ZNF69: variants seen among roughly 807,000 people sequenced by gnomAD.
ZNF69 encodes ZNF3.
A neutral mutation model predicts 50.9 loss-of-function variants in ZNF69; 47 were observed. The observed-to-expected ratio is 0.92, with a 90% CI of 0.73 to 1.18. ZNF69 has a LOEUF of 1.18. Among genes scored for constraint, ZNF69 ranks in the 50% most tolerant of loss-of-function variants. The pLI, the probability that ZNF69 is intolerant of heterozygous loss-of-function variation, is 0.00. For missense variants in ZNF69, 717 were observed against 675.1 expected (o/e 1.06, Z -0.69); for synonymous variants, 216 against 223.1 (o/e 0.97, Z 0.29).
At chr19:11,917,717 A>G (rs1204831001), downstream of ZNF69, among the ~76,000 whole-genome samples, 4 of 151,476 alleles carry the variant, frequency 2.6e-5, no homozygotes, top group Admixed American at 6.6e-5. Context: ...GCTCACTGCA[A>G]CTTGCCTCCC....
At chr19:11,912,658 C>T (rs1291514811) in intron 4 of ZNF69, among the ~76,000 whole-genome samples, 4 of 151,646 alleles carry the variant, frequency 2.6e-5, no homozygotes, top group African/African-American at 7.3e-5. Context: ...TAGTTGCTTT[C>T]GATGTCATGA....
downstream of ZNF69, among the ~76,000 whole-genome samples, chr19:11,915,476 AAG>A (rs1369533396): frequency 6.6e-6 from 1 of 152,188 alleles, no homozygotes; most frequent in African/African-American, 2.4e-5. Flanking sequence ...ATGCTTCACA[AAG>A]AGCCCAAGGA....
At chr19:11,919,415 T>C in the ZNF69 span, among the ~76,000 whole-genome samples, 20 of 152,102 alleles carry the variant, frequency 1.3e-4, no homozygotes, top group African/African-American at 3.9e-4. Flanking sequence ...AAGCCTCTTT[T>C]TGGGCTTCTG....
intron 1 of ZNF69, among the ~76,000 whole-genome samples, chr19:11,896,321 T>C (rs1392418673): frequency 6.6e-6 from 1 of 151,962 alleles, no homozygotes; most frequent in Admixed American, 6.6e-5. Context: ...TTTCTCTTAA[T>C]TAGTATAACG....
chr19:11,965,345 G>A, the ZNF69 span: 1 of 1,279,200 alleles, frequency 7.8e-7, no homozygotes, highest in Non-Finnish European at 1.1e-6. Context: ...GGAGCTGCTC[G>A]GCCCTCGGTC....
At chr19:11,895,378 C>T (rs746082960) in intron 1 of ZNF69, among the ~76,000 whole-genome samples, 10 of 152,198 alleles carry the variant, frequency 6.6e-5, no homozygotes, top group Non-Finnish European at 1.5e-4. Context: ...AGACAGGGAC[C>T]TGTGGGCCAA....
At chr19:11,958,529 CAGTG>C in the ZNF69 span, among the ~76,000 whole-genome samples, 1 of 152,204 alleles carries the variant, frequency 6.6e-6, no homozygotes, top group Non-Finnish European at 1.5e-5. Flanking sequence ...CACTGACTCA[CAGTG>C]AGCGAGTGGT....
intron 4 of ZNF69, chr19:11,913,275 G>T: frequency 2.2e-6 from 1 of 448,762 alleles, no homozygotes; most frequent in Non-Finnish European, 4.1e-6. Flanking sequence ...GTTATTATTT[G>T]GACATTGTGA....
the ZNF69 span, among the ~76,000 whole-genome samples, chr19:11,927,354 C>G: frequency 2.0e-5 from 3 of 151,358 alleles, no homozygotes; most frequent in African/African-American, 7.3e-5. Flanking sequence ...GACCCCATCT[C>G]AAAAACCAAA....
At chr19:11,896,732 A>C (rs1972131161) in intron 1 of ZNF69, among the ~76,000 whole-genome samples, 1 of 152,170 alleles carries the variant, frequency 6.6e-6, no homozygotes, top group African/African-American at 2.4e-5. Context: ...GCAAATATTC[A>C]TGCCGTAACA....
rs758940207 is a variant in ZNF69 at position 11,903,690 on chromosome 19, A to G, written c.181A>G (p.Thr61Ala). 1 of 1,613,948 alleles carries G rather than the reference A, an allele frequency of 6.2e-7. No homozygotes were observed. The highest frequency in any genetic ancestry group is 8.5e-7 in the Non-Finnish European group (1 of 1,179,930). Reference sequence around the variant, plus strand: ...GATGCTGGAAACTTTCAGGAACCTGACCTCTGTAGGTAAGGATGACATATT... The same window carrying G: ...GATGCTGGAAACTTTCAGGAACCTGGCCTCTGTAGGTAAGGATGACATATT... ...EVMLETFRNLTSVGKSWKDQN... is the reference protein window; with the variant it reads ...EVMLETFRNLASVGKSWKDQN... The change falls in exon 2 of 4, where the codon ACC (threonine) becomes GCC (alanine). Residue 61 changes from threonine (T) to alanine (A), a missense_variant. By Grantham distance (58) the Thr-to-Ala change is moderately conservative (BLOSUM62 0). Coordinates refer to ENST00000429654, the MANE Select transcript of ZNF69 (RefSeq NM_001364730.1).
chr19:11,894,674 G>A (rs1977180501), intron 1 of ZNF69, among the ~76,000 whole-genome samples: 1 of 152,182 alleles, frequency 6.6e-6, no homozygotes, highest in Non-Finnish European at 1.5e-5. Context: ...TCCCAAGAGA[G>A]CAGCTGAATG....
the ZNF69 span, chr19:11,947,480 G>A: frequency 6.2e-7 from 1 of 1,608,534 alleles, no homozygotes; most frequent in Non-Finnish European, 8.5e-7. Flanking sequence ...ATTTTATACT[G>A]CTTCAGGACT....
At chr19:11,913,316 G>A (rs765447575) in intron 4 of ZNF69, 2 of 535,994 alleles carry the variant, frequency 3.7e-6, no homozygotes, top group African/African-American at 2.0e-5. Flanking sequence ...AAAATGCCAG[G>A]CATCTTTTTT....
intron 1 of ZNF69, among the ~76,000 whole-genome samples, chr19:11,891,907 A>G (rs1226759968): frequency 6.6e-6 from 1 of 152,172 alleles, no homozygotes; most frequent in Non-Finnish European, 1.5e-5. Context: ...TAACACTTGT[A>G]TAGGGAAAAG....
At chr19:11,974,056 C>CCTTCTTTCT in the ZNF69 span, among the ~76,000 whole-genome samples, 7 of 148,562 alleles carry the variant, frequency 4.7e-5, no homozygotes, top group African/African-American at 1.8e-4. Flanking sequence ...TTCTTTCTTT[C>CCTTCTTTCT]TTTCCTTCTT....
chr19:11,970,129 C>T, the ZNF69 span, among the ~76,000 whole-genome samples: 1 of 152,226 alleles, frequency 6.6e-6, no homozygotes, highest in East Asian at 1.9e-4. Flanking sequence ...TGTCTCCCAA[C>T]TCCACTTTCC....
the ZNF69 span, chr19:11,953,403 G>A: frequency 6.6e-6 from 1 of 152,232 alleles, no homozygotes; most frequent in African/African-American, 2.4e-5. Context: ...GGCCCAAAGG[G>A]TGTTCATATG....
At chr19:11,908,415 G>C (rs1478062733), downstream of ZNF69, among the ~76,000 whole-genome samples, 1 of 152,112 alleles carries the variant, frequency 6.6e-6, no homozygotes, top group Non-Finnish European at 1.5e-5. Flanking sequence ...TGACCACATA[G>C]TTGGAAGTAA....
Sources: gnomAD v4.1 joint callset for allele counts (sites outside exome capture counted in the v4.1 genomes callset) on GRCh38, gnomAD v4.1.1 for gene constraint, MANE v1.5 for transcripts, NCBI Gene and HGNC (gene_info 2026-07-23, HGNC 2026-07-21) for gene names.